SPATA22: variants seen among roughly 807,000 people sequenced by gnomAD.
SPATA22 encodes the protein spermatogenesis-associated protein 22.
A neutral mutation model predicts 47.8 loss-of-function variants in SPATA22; 29 were observed. The observed-to-expected ratio is 0.61, with a 90% CI of 0.45 to 0.83. The LOEUF is 0.83. Among genes scored for constraint, SPATA22 ranks in the 40% least tolerant of loss-of-function variants. The probability of loss-of-function intolerance (pLI) is 0.00; values close to 1 mark genes in which losing one functional copy is unlikely to be tolerated. For missense variants in SPATA22, 410 were observed against 421.7 expected (o/e 0.97, Z 0.24); for synonymous variants, 133 against 140.9 (o/e 0.94, Z 0.40).
At chr17:3,501,093 G>A (rs1262196750) in intron 1 of SPATA22, 1 of 152,096 alleles carries the variant, frequency 6.6e-6, no homozygotes, top group Non-Finnish European at 1.5e-5. Flanking sequence ...ATGGATCAAG[G>A]CGTCATTGTG....
intron 1 of SPATA22, 121 bp from the exon 2 acceptor site, chr17:3,469,519 G>T: frequency 2.0e-6 from 1 of 511,024 alleles, no homozygotes; most frequent in Non-Finnish European, 3.4e-6. Flanking sequence ...AACACTTTAG[G>T]GAGTCCTTTG....
upstream of SPATA22, chr17:3,475,582 C>A (rs3829957): frequency 6.5e-6 from 1 of 153,228 alleles, no homozygotes; most frequent in African/African-American, 2.4e-5. Flanking sequence ...GAATGGGCGC[C>A]GGTTCAAGAG....
At chr17:3,468,104 A>G (rs995290918) in intron 2 of SPATA22, 1 of 152,224 alleles carries the variant, frequency 6.6e-6, no homozygotes, top group Non-Finnish European at 1.5e-5. Context: ...CTGCAATTTT[A>G]ACAAGCACCT....
intron 1 of SPATA22, among the ~76,000 whole-genome samples, chr17:3,497,193 C>T (rs955675861): frequency 6.6e-6 from 1 of 152,190 alleles, no homozygotes; most frequent in African/African-American, 2.4e-5. Context: ...CTGGATAGCA[C>T]TGCACAATGT....
chr17:3,502,888 G>C (rs1429370819), intron 1 of SPATA22: 1 of 152,274 alleles, frequency 6.6e-6, no homozygotes. Context: ...GTTGCCAGCA[G>C]AGGTGGTGAA....
chr17:3,452,662 T>TA (rs1370962497), intron 5 of SPATA22, among the ~76,000 whole-genome samples: 2 of 150,732 alleles, frequency 1.3e-5, no homozygotes, highest in Non-Finnish European at 3.0e-5. Context: ...TTACATAGAC[T>TA]AAAAAAAGAA....
intron 5 of SPATA22, among the ~76,000 whole-genome samples, chr17:3,458,855 CAAAA>C (rs545223532): frequency 4.7e-4 from 18 of 38,342 alleles, no homozygotes; most frequent in African/African-American, 1.4e-3. Context: ...CGAAACTTCA[CAAAA>C]AAAAAAAAAA....
At chr17:3,478,728 A>G (rs1005710269) in intron 1 of SPATA22, among the ~76,000 whole-genome samples, 1 of 152,194 alleles carries the variant, frequency 6.6e-6, no homozygotes, top group South Asian at 2.1e-4. Context: ...TTGAAAAATT[A>G]TAAAATAGAT....
At chr17:3,508,749 G>T (rs1409875886) in intron 1 of SPATA22, among the ~76,000 whole-genome samples, 2 of 101,968 alleles carry the variant, frequency 2.0e-5, no homozygotes, top group Non-Finnish European at 3.7e-5. Context: ...GGGGACTGTT[G>T]TGGGGTGGGG....
At chr17:3,479,368 G>A (rs1355853637) in intron 1 of SPATA22, among the ~76,000 whole-genome samples, 1 of 152,210 alleles carries the variant, frequency 6.6e-6, no homozygotes, top group Non-Finnish European at 1.5e-5. Flanking sequence ...ACCTCAGGGG[G>A]TTATTTCATG....
At chr17:3,487,073 C>CGTGTGTGTGTGT (rs59690349) in intron 1 of SPATA22, among the ~76,000 whole-genome samples, 23 of 150,770 alleles carry the variant, frequency 1.5e-4, no homozygotes, top group East Asian at 9.7e-4. Context: ...TGTGTGTGTG[C>CGTGTGTGTGTGT]GTGTGTGTGT....
intron 1 of SPATA22, chr17:3,511,753 C>T (rs1342551970): frequency 6.6e-6 from 1 of 152,212 alleles, no homozygotes; most frequent in Non-Finnish European, 1.5e-5. Flanking sequence ...AAATAGAAAT[C>T]AATAATTGGC....
At chr17:3,464,509 G>A (rs1443564280) in intron 3 of SPATA22, among the ~76,000 whole-genome samples, 8 of 131,464 alleles carry the variant, frequency 6.1e-5, no homozygotes, top group East Asian at 4.4e-4. Context: ...GTCTCTGCCC[G>A]GCCGCCGTCC....
At position 3,499,157 on chromosome 17, in the gene SPATA22, T is replaced by G; in HGVS notation, c.-74+14255A>C. The G allele has an allele frequency of 2.0e-6, 3 of 1,532,772 alleles. No homozygotes were observed. The African/African-American group carries it at 4.1e-5, about 21-fold the overall frequency. The allele number at this position is 1,532,772 out of a possible 1,614,324, so 94.9% of individuals were successfully genotyped here. Reference sequence around the variant, plus strand: ...TGCTAGTCTGTAAGCTCCTTAAGAGTAGGGTTGTGCCTTATTCAACTGCAT... The same window carrying G: ...TGCTAGTCTGTAAGCTCCTTAAGAGGAGGGTTGTGCCTTATTCAACTGCAT... On this transcript the variant is annotated intron_variant, in intron 1 of 8. Transcript: ENST00000541913.
chr17:3,490,462 G>A lies in SPATA22; in HGVS notation c.-73-21064C>T, dbSNP rs2073805299. Among the ~76,000 whole-genome samples the A allele has an allele frequency of 6.6e-6, 1 of 152,176 alleles. No individual in the cohort carries two copies. The highest frequency in any genetic ancestry group is 2.1e-4 in the South Asian group (1 of 4,830). On this transcript the variant is annotated intron_variant, in intron 1 of 8. Coordinates refer to the SPATA22 transcript ENST00000541913. This position sits in a 1 kb window ranked among gnomAD's most constrained non-coding sequence, Gnocchi z 4.6. ...CAGACTGAGTTGAAATTGTTGTTGA[G>A]GAATGGGCAATTATAATAACAGAGG...
Position 3,483,532 on chromosome 17 carries a change from C to T in SPATA22, c.-73-14134G>A, listed in dbSNP as rs751298835. ...GGCTCCACTACCCTGCTACGTTTAT[C>T]TGATTGAGCATCCTTCCCTCAAATA... On this transcript the variant is annotated intron_variant, in intron 1 of 8. Coordinates refer to the SPATA22 transcript ENST00000541913. 6.2e-7 allele frequency: 1 copy of T among 1,614,158 alleles called. No individual in the cohort carries two copies. The highest frequency in any genetic ancestry group is 1.3e-5 in the African/African-American group (1 of 75,054).
chr17:3,513,821 G>A (rs1045890987), exon 1 of SPATA22: 14 of 1,057,832 alleles, frequency 1.3e-5, no homozygotes, highest in African/African-American at 4.8e-5. Context: ...CAGCAGAGCC[G>A]GACTCCACCA....
upstream of SPATA22, chr17:3,476,321 C>A (rs779440632): frequency 1.9e-6 from 3 of 1,614,146 alleles, no homozygotes; most frequent in South Asian, 2.2e-5. Flanking sequence ...TTATTACTAA[C>A]CCCAGAGCAG....
At chr17:3,508,637 AACT>A (rs1390352167) in intron 1 of SPATA22, among the ~76,000 whole-genome samples, 1 of 144,666 alleles carries the variant, frequency 6.9e-6, no homozygotes, top group Non-Finnish European at 1.5e-5. Context: ...ATTCTCAGTA[AACT>A]ATCGCAAGGA....
Sources: gnomAD v4.1 joint callset for allele counts (sites outside exome capture counted in the v4.1 genomes callset) on GRCh38, gnomAD v4.1.1 for gene constraint, Gnocchi (gnomAD v3.1) non-coding constraint, MANE v1.5 for transcripts, NCBI Gene and HGNC (gene_info 2026-07-23, HGNC 2026-07-21) for gene names.